The following DCT variants were observed in gnomAD, a reference collection of about 807,000 sequenced individuals.
The protein encoded by DCT is dopachrome tautomerase.
In DCT, 47 loss-of-function variants were observed where a neutral mutation model predicts 53.0. The ratio of observed to expected loss-of-function variants is 0.89; its 90% CI spans 0.70 to 1.13. The LOEUF (loss-of-function observed/expected upper bound fraction) is 1.13, where lower values mean the gene tolerates loss of function less well. Among genes scored for constraint, DCT ranks in the 50% most tolerant of loss-of-function variants. DCT has a pLI of 0.00. For synonymous variants in DCT, 244 were observed against 237.0 expected (o/e 1.03, Z -0.27); for missense variants, 669 against 637.4 (o/e 1.05, Z -0.53).
At position 94,466,550 on chromosome 13, in the gene DCT, T is replaced by G. The variant is rs1332524464; in HGVS notation, c.696+8A>C. 11 of 1,585,092 alleles carry G rather than the reference T, an allele frequency of 6.9e-6. No homozygotes were observed. The highest frequency in any genetic ancestry group is 9.5e-6 in the Non-Finnish European group (11 of 1,163,336). ...ATTAAAAGAACTAAATGCATAGTTT[T>G]GACCTACCTGGAGATCTCTTTCCAG... On this transcript the variant is annotated splice_region_variant and intron_variant, in intron 3 of 7. Coordinates refer to ENST00000377028, the MANE Select transcript of DCT (RefSeq NM_001922.5).
intron 6 of DCT, among the ~76,000 whole-genome samples, chr13:94,458,427 T>A (rs1232590364): frequency 6.6e-6 from 1 of 152,164 alleles, no homozygotes; most frequent in Non-Finnish European, 1.5e-5. Context: ...GAGCATTGAC[T>A]AGGGTAGCTG....
At chr13:94,514,182 A>G in the DCT span, among the ~76,000 whole-genome samples, 1 of 152,058 alleles carries the variant, frequency 6.6e-6, no homozygotes, top group Admixed American at 6.6e-5. Flanking sequence ...CTGTGCCGGG[A>G]ACATCACCAC....
At chr13:94,547,980 AAAAAATATATAT>A in the DCT span, among the ~76,000 whole-genome samples, 1 of 99,196 alleles carries the variant, frequency 1.0e-5, no homozygotes, top group Non-Finnish European at 1.7e-5. Flanking sequence ...AAAAAAAAAA[AAAAAATATATAT>A]ATATATATAT....
intron 1 of DCT, among the ~76,000 whole-genome samples, chr13:94,476,200 T>C (rs1885071297): frequency 6.8e-6 from 1 of 147,546 alleles, no homozygotes; most frequent in African/African-American, 2.5e-5. Context: ...TTTTTTTTTT[T>C]TTTTTTTGAA....
At chr13:94,510,643 CTTATG>C in the DCT span, among the ~76,000 whole-genome samples, 1 of 152,150 alleles carries the variant, frequency 6.6e-6, no homozygotes, top group Non-Finnish European at 1.5e-5. Flanking sequence ...ATATATGTGG[CTTATG>C]TTATATTTCT....
At chr13:94,500,352 G>T in the DCT span, among the ~76,000 whole-genome samples, 1 of 152,340 alleles carries the variant, frequency 6.6e-6, no homozygotes, top group South Asian at 2.1e-4. Flanking sequence ...AACAGGGGGA[G>T]CCCCTTAGAA....
rs746620620 is a variant in DCT, at chr13:94,465,633, C to T, written c.863G>A (p.Ser288Asn). Residue 288 changes from serine to asparagine, a missense_variant and splice_region_variant, in exon 4 of 8, where the codon AGC becomes AAC. Transcript: ENST00000377028. ...RFSSWETVCDSLDDYNHLVTL... is the reference protein window; with the variant it reads ...RFSSWETVCDNLDDYNHLVTL... ...CCATTGCAGGTACAGGAGCCATTACCTATCACAGACAGTTTCCCAGCTGGA... is the reference window on the plus strand; with the variant it reads ...CCATTGCAGGTACAGGAGCCATTACTTATCACAGACAGTTTCCCAGCTGGA... The T allele has an allele frequency of 1.2e-6, 2 of 1,612,954 alleles. No homozygotes were observed. The highest frequency in any genetic ancestry group is 2.2e-5 in the South Asian group (2 of 90,960).
chr13:94,488,137 G>T, the DCT span, among the ~76,000 whole-genome samples: 11 of 151,610 alleles, frequency 7.3e-5, no homozygotes, highest in Non-Finnish European at 1.6e-4. Context: ...GCTTCATTCT[G>T]GTACATGAGT....
chr13:94,478,931 T>C, intron 1 of DCT, 30 bp downstream of exon 1: 1 of 1,570,128 alleles, frequency 6.4e-7, no homozygotes, highest in Non-Finnish European at 8.7e-7. Flanking sequence ...GCTCTGGCCC[T>C]CCCCACCAAG....
At chr13:94,547,962 C>CAA in the DCT span, among the ~76,000 whole-genome samples, 22 of 67,896 alleles carry the variant, frequency 3.2e-4, no homozygotes, top group East Asian at 1.3e-3. Context: ...AACTCCGTCT[C>CAA]AAAAAAAAAA....
the DCT span, among the ~76,000 whole-genome samples, chr13:94,538,399 C>A: frequency 6.6e-6 from 1 of 152,194 alleles, no homozygotes. Context: ...GGAGCTCTGG[C>A]CCAGGCAGCC....
intron 6 of DCT, among the ~76,000 whole-genome samples, chr13:94,451,468 G>T (rs890569158): frequency 6.6e-6 from 1 of 152,180 alleles, no homozygotes; most frequent in Non-Finnish European, 1.5e-5. Flanking sequence ...GGAGATTTTT[G>T]AATAGGAAAC....
chr13:94,547,651 T>C, the DCT span, among the ~76,000 whole-genome samples: 1 of 151,900 alleles, frequency 6.6e-6, no homozygotes, highest in African/African-American at 2.4e-5. Flanking sequence ...CCCTACTCTT[T>C]AGAAATGTGA....
rs1465897517 is a variant in DCT at position 94,445,700 on chromosome 13, C to T, written c.1180-2063G>A. ...CAAAGGAAAAAAACCTGAGTAGAGC[C>T]TCCCAGGCTCATGGTTACCAGCACA... On this transcript the variant is annotated intron_variant, in intron 6 of 7. Coordinates refer to ENST00000377028, the MANE Select transcript of DCT (RefSeq NM_001922.5). 109 of 1,558,456 alleles carry T rather than the reference C, an allele frequency of 7.0e-5. 1 individual carries two copies. The East Asian group carries it at 2.1e-3, about 30-fold the overall frequency.
chr13:94,512,538 T>C, the DCT span, among the ~76,000 whole-genome samples: 1 of 152,058 alleles, frequency 6.6e-6, no homozygotes, highest in Admixed American at 6.6e-5. Context: ...AAGCCAGAAG[T>C]GGGAAAAAAC....
Position 94,479,360 on chromosome 13 carries a change from T to C in DCT, c.-105A>G. 1 of 1,113,160 alleles carries C rather than the reference T, an allele frequency of 9.0e-7. No individual in the cohort carries two copies. The highest frequency in any genetic ancestry group is 1.6e-5 in the African/African-American group (1 of 63,382). The allele number at this position is 1,113,160 out of a possible 1,614,324, so 69.0% of individuals were successfully genotyped here. A position where few individuals can be genotyped will look rare whatever the true frequency, so the allele number is the denominator to read the frequency against. On this transcript the variant is annotated 5_prime_UTR_variant, in exon 1 of 8. The change creates a new upstream start codon in the 5' untranslated region. Coordinates refer to ENST00000377028, the MANE Select transcript of DCT (RefSeq NM_001922.5). The stretch of plus-strand genomic sequence containing the variant: ...TCAGTCTTTTCTTTTCAGTATTTTT[T>C]ATTTTTCTTTGCTTTCTATTCCTTT...
At chr13:94,472,568 ATTTTTTTTTTTTTTTTTTT>A (rs869190962) in intron 1 of DCT, among the ~76,000 whole-genome samples, 2 of 15,032 alleles carry the variant, frequency 1.3e-4, no homozygotes, top group Non-Finnish European at 2.0e-4. Context: ...ATATATATAT[ATTTTTTTTTTTTTTTTTTT>A]TTTTTTTTTT....
chr13:94,548,925 G>C, the DCT span, among the ~76,000 whole-genome samples: 1 of 151,444 alleles, frequency 6.6e-6, no homozygotes, highest in Non-Finnish European at 1.5e-5. Context: ...GCCTATCCAG[G>C]GCCGAGAATG....
intron 6 of DCT, among the ~76,000 whole-genome samples, chr13:94,457,985 A>G (rs998061772): frequency 1.3e-5 from 2 of 152,164 alleles, no homozygotes; most frequent in African/African-American, 4.8e-5. Flanking sequence ...AGACAAGGCC[A>G]CTCTGTGACC....
Sources: allele counts gnomAD v4.1 joint callset (sites outside exome capture counted in the v4.1 genomes callset), GRCh38; gene constraint gnomAD v4.1.1; transcripts MANE v1.5; gene names NCBI Gene and HGNC (gene_info 2026-07-23, HGNC 2026-07-21).